The following GDAP1 variants were observed in gnomAD, a reference collection of about 807,000 sequenced individuals.
GDAP1 encodes the protein ganglioside induced differentiation associated protein 1.
Under a neutral mutation model 40.1 loss-of-function variants are expected in GDAP1, and 34 were observed. The ratio of observed to expected loss-of-function variants is 0.85; its 90% CI spans 0.64 to 1.13. The LOEUF (loss-of-function observed/expected upper bound fraction) is 1.13. Ranked by LOEUF, GDAP1 falls within the 50% of genes most tolerant of loss-of-function variation. The pLI is 0.00. For missense variants in GDAP1, 374 were observed against 433.7 expected (o/e 0.86, Z 1.22); for synonymous variants, 170 against 157.4 (o/e 1.08, Z -0.60).
At chr8:74,485,491 G>A (rs1039776686) in intron 2 of GDAP1, among the ~76,000 whole-genome samples, 1 of 152,138 alleles carries the variant, frequency 6.6e-6, no homozygotes, top group African/African-American at 2.4e-5. Flanking sequence ...CACAATTCTT[G>A]CTGTCATACA....
At chr8:74,455,262 T>C (rs567191387) in intron 2 of GDAP1, among the ~76,000 whole-genome samples, 32 of 152,076 alleles carry the variant, frequency 2.1e-4, no homozygotes, top group South Asian at 8.3e-4. Flanking sequence ...ACAACGAGTC[T>C]ATAGCATTCA....
At chr8:74,376,693 C>G (rs1809859754) in intron 2 of GDAP1, 3 of 152,296 alleles carry the variant, frequency 2.0e-5, no homozygotes. Flanking sequence ...AATAGGCTGG[C>G]TCTGAGTGCG....
At chr8:74,422,301 CTT>C (rs1323005318) in intron 2 of GDAP1, among the ~76,000 whole-genome samples, 2 of 34,096 alleles carry the variant, frequency 5.9e-5, no homozygotes, top group East Asian at 1.9e-3. Context: ...TTCTTTCTTT[CTT>C]TCTTTCTTTC....
chr8:74,413,738 A>G (rs1054667738), intron 2 of GDAP1, among the ~76,000 whole-genome samples: 5 of 133,994 alleles, frequency 3.7e-5, no homozygotes, highest in Non-Finnish European at 7.8e-5. Context: ...TTTTTTCCTC[A>G]TTGTGTCCTC....
At chr8:74,394,976 T>C (rs1327379115) in intron 2 of GDAP1, among the ~76,000 whole-genome samples, 1 of 152,326 alleles carries the variant, frequency 6.6e-6, no homozygotes, top group East Asian at 1.9e-4. Context: ...CTGCTTTAAC[T>C]GGACTTTTTA....
intron 2 of GDAP1, among the ~76,000 whole-genome samples, chr8:74,431,223 A>C (rs958985288): frequency 6.6e-6 from 1 of 150,872 alleles, no homozygotes; most frequent in Non-Finnish European, 1.5e-5. Context: ...GTGAACATAG[A>C]CTGGTTATTT....
intron 2 of GDAP1, among the ~76,000 whole-genome samples, chr8:74,356,155 G>A (rs1487562101): frequency 6.6e-6 from 1 of 152,106 alleles, no homozygotes; most frequent in Admixed American, 6.6e-5. Flanking sequence ...ACAAAATGTG[G>A]AGAAAATATA....
intron 2 of GDAP1, among the ~76,000 whole-genome samples, chr8:74,378,243 A>AGTG (rs1241799592): frequency 2.6e-5 from 4 of 152,000 alleles, no homozygotes; most frequent in Non-Finnish European, 5.9e-5. Context: ...ACTCAAAGAC[A>AGTG]CTCTCCTAGG....
At position 74,469,290 on chromosome 8, in the gene GDAP1, A is replaced by AT. The variant is rs1237571704; in HGVS notation, c.166-19381dup. Among the ~76,000 whole-genome samples the AT allele has an allele frequency of 1.1e-4, 16 of 152,122 alleles. 1 individual carries two copies. The highest frequency in any genetic ancestry group is 3.4e-4 in the African/African-American group (14 of 41,512). ...ACATATTTGTTTAATAAAAATTAGG[A>AT]TTTTTTTCCTTTTTAATGCTCTGAA... On this transcript the variant is annotated intron_variant, in intron 2 of 2. Coordinates refer to the GDAP1 transcript ENST00000523640.
At chr8:74,464,987 A>G (rs939109738) in intron 2 of GDAP1, among the ~76,000 whole-genome samples, 6 of 152,136 alleles carry the variant, frequency 3.9e-5, no homozygotes, top group Non-Finnish European at 8.8e-5. Flanking sequence ...TGGGAGGCCA[A>G]GGCGGGTAGA....
intron 2 of GDAP1, among the ~76,000 whole-genome samples, chr8:74,444,508 G>A (rs1586837225): frequency 6.6e-6 from 1 of 151,940 alleles, no homozygotes; most frequent in Non-Finnish European, 1.5e-5. Context: ...CAGTTAATGG[G>A]GTAAGAATTA....
intron 2 of GDAP1, among the ~76,000 whole-genome samples, chr8:74,459,538 AAACGCT>A: frequency 6.6e-6 from 1 of 152,196 alleles, no homozygotes. Flanking sequence ...TCAATTTGTG[AAACGCT>A]AATGCAATGG....
intron 2 of GDAP1, among the ~76,000 whole-genome samples, chr8:74,457,993 T>C (rs939220419): frequency 6.6e-6 from 1 of 152,168 alleles, no homozygotes; most frequent in East Asian, 1.9e-4. Context: ...CTTCAAATGA[T>C]AACATCCATT....
chr8:74,455,984 A>G (rs1048071711), intron 2 of GDAP1, among the ~76,000 whole-genome samples: 2 of 151,944 alleles, frequency 1.3e-5, no homozygotes, highest in African/African-American at 4.8e-5. Context: ...CTCATCCTAA[A>G]TATCTATCCA....
At chr8:74,352,518 A>T (rs1379627376) in intron 2 of GDAP1, among the ~76,000 whole-genome samples, 1 of 152,226 alleles carries the variant, frequency 6.6e-6, no homozygotes, top group Non-Finnish European at 1.5e-5. Flanking sequence ...AATGAGTATT[A>T]TTAGGCCTAG....
rs143413990 is a variant in GDAP1, at chr8:74,434,261, A to C, written c.166-54417A>C. On this transcript the variant is annotated intron_variant, in intron 2 of 2. Coordinates refer to the GDAP1 transcript ENST00000523640. ...TAAGTTCTTGCATGTTTAAATAGTT[A>C]TTTACTCAAGAATAAAGACCGTGAT... 4.9e-3 allele frequency among the ~76,000 whole-genome samples: 750 copies of C among 152,196 alleles called. 6 individuals are homozygous for C. The highest frequency in any genetic ancestry group is 9.8e-3 in the Admixed American group (150 of 15,286).
chr8:74,419,253 T>C (rs1288167309), intron 2 of GDAP1, among the ~76,000 whole-genome samples: 2 of 152,176 alleles, frequency 1.3e-5, no homozygotes, highest in African/African-American at 4.8e-5. Context: ...TTCTTCATAA[T>C]TGCCTCCAAG....
rs1809290337 is a variant in GDAP1, at chr8:74,360,192, A to G, written c.366A>G (p.Gln122=). The G allele has an allele frequency of 1.2e-6, 2 of 1,613,524 alleles. No individual in the cohort carries two copies. Among genetic ancestry groups the G allele is most frequent in the Non-Finnish European group, 1.7e-6 (2 of 1,179,526 alleles). ...DKESMYYPRV[Q]HYRELLDSLP... ...AAAGCATGTATTACCCACGGGTACA[A>G]CATTACCGAGAGCTGCTTGACTCCT... Residue 122 remains glutamine (Q), a synonymous_variant, in exon 3 of 6, where the codon CAA becomes CAG. Transcript: ENST00000220822.
At chr8:74,400,805 C>T (rs1810316635) in intron 2 of GDAP1, among the ~76,000 whole-genome samples, 1 of 149,096 alleles carries the variant, frequency 6.7e-6, no homozygotes, top group South Asian at 2.1e-4. Context: ...TTCTCCTTCA[C>T]TTATGAAGCT....
Sources: gnomAD v4.1 joint callset for allele counts (sites outside exome capture counted in the v4.1 genomes callset) on GRCh38, gnomAD v4.1.1 for gene constraint, MANE v1.5 for transcripts, NCBI Gene and HGNC (gene_info 2026-07-23, HGNC 2026-07-21) for gene names.